Variants in CDKAL1 observed in about 807,000 individuals in gnomAD.
CDKAL1 encodes threonylcarbamoyladenosine tRNA methylthiotransferase.
In CDKAL1, 32 loss-of-function variants were observed where a neutral mutation model predicts 68.2. The observed-to-expected ratio is 0.47, with a 90% CI of 0.35 to 0.63. CDKAL1 has a LOEUF of 0.63. CDKAL1 is among the 30% of genes least tolerant of loss of function. The probability of loss-of-function intolerance (pLI) is 0.00; values close to 1 mark genes in which losing one functional copy is unlikely to be tolerated. For missense variants in CDKAL1, 606 were observed against 696.7 expected, an observed-to-expected ratio of 0.87 and a Z score of 1.47; for synonymous variants, 234 against 244.3, an observed-to-expected ratio of 0.96 and a Z score of 0.39.
intron 7 of CDKAL1, among the ~76,000 whole-genome samples, chr6:20,763,341 A>G (rs943373913): frequency 6.6e-6 from 1 of 152,134 alleles, no homozygotes; most frequent in African/African-American, 2.4e-5. Flanking sequence ...TGGGATGGAA[A>G]CAGCACCCCG....
At chr6:20,672,232 CTTTCTCTT>C (rs1199814854) in intron 5 of CDKAL1, among the ~76,000 whole-genome samples, 1 of 76,514 alleles carries the variant, frequency 1.3e-5, no homozygotes, top group Non-Finnish European at 3.1e-5. Flanking sequence ...TCTTTCTTTT[CTTTCTCTT>C]TCTTTCTTTC....
intron 10 of CDKAL1, among the ~76,000 whole-genome samples, chr6:20,999,482 T>C (rs1000581527): frequency 6.6e-6 from 1 of 151,972 alleles, no homozygotes; most frequent in African/African-American, 2.4e-5. Flanking sequence ...TGTTTTTCAC[T>C]TAAATGTATT....
chr6:20,547,648 T>C (rs1006448512), intron 3 of CDKAL1, among the ~76,000 whole-genome samples: 1 of 152,178 alleles, frequency 6.6e-6, no homozygotes, highest in African/African-American at 2.4e-5. Context: ...ATTCTTGGAA[T>C]TTAAAATTTG....
At chr6:21,104,036 C>A (rs953143593) in intron 12 of CDKAL1, among the ~76,000 whole-genome samples, 1 of 152,074 alleles carries the variant, frequency 6.6e-6, no homozygotes, top group East Asian at 1.9e-4. Context: ...TAATAATGGC[C>A]GTGTTTTAGT....
intron 13 of CDKAL1, among the ~76,000 whole-genome samples, chr6:21,129,977 A>C (rs1003462288): frequency 2.6e-5 from 4 of 152,092 alleles, no homozygotes; most frequent in African/African-American, 9.7e-5. Flanking sequence ...GCTAGTTAAT[A>C]ATAAAATGAA....
At chr6:20,807,892 A>G (rs1776640158) in intron 8 of CDKAL1, among the ~76,000 whole-genome samples, 2 of 152,234 alleles carry the variant, frequency 1.3e-5, no homozygotes, top group Middle Eastern at 3.2e-3. Flanking sequence ...TCTGTACTTC[A>G]AAATCCATTT....
intron 5 of CDKAL1, among the ~76,000 whole-genome samples, chr6:20,654,890 C>T (rs1259647250): frequency 6.6e-6 from 1 of 152,166 alleles, no homozygotes; most frequent in Non-Finnish European, 1.5e-5. Flanking sequence ...TTTGATAGTG[C>T]TAGTACCTTT....
chr6:20,854,607 A>G (rs1759220509), intron 9 of CDKAL1, among the ~76,000 whole-genome samples: 1 of 152,230 alleles, frequency 6.6e-6, no homozygotes, highest in Non-Finnish European at 1.5e-5. Flanking sequence ...CATCGGAAAC[A>G]AGGATGTGAT....
chr6:20,852,438 T>C (rs2150506595), intron 9 of CDKAL1, among the ~76,000 whole-genome samples: 1 of 152,338 alleles, frequency 6.6e-6, no homozygotes, highest in East Asian at 1.9e-4. Context: ...ATTGAAGATA[T>C]ATTTTCTACC....
chr6:20,995,223 A>G (rs1051979084), intron 10 of CDKAL1, among the ~76,000 whole-genome samples: 2 of 152,244 alleles, frequency 1.3e-5, no homozygotes, highest in African/African-American at 4.8e-5. Flanking sequence ...AAAGTTATCC[A>G]TGAGGGTTGA....
At position 21,136,818 on chromosome 6, in the gene CDKAL1, T is replaced by A. The variant is rs989429219; in HGVS notation, c.1299+28355T>A. Among the ~76,000 whole-genome samples the A allele has an allele frequency of 9.8e-5, 15 of 152,318 alleles. 3 individuals carry two copies. The East Asian group carries it at 2.3e-3, about 23-fold the overall frequency. Reference sequence around the variant, plus strand: ...AGAAAACCAAGAATACCCATCCAAATAACTTGTCCAGTGCTTTTTCCTTCA... The same window carrying A: ...AGAAAACCAAGAATACCCATCCAAAAAACTTGTCCAGTGCTTTTTCCTTCA... On this transcript the variant is annotated intron_variant, in intron 13 of 15. Coordinates refer to ENST00000274695, the MANE Select transcript of CDKAL1 (RefSeq NM_017774.3).
chr6:21,135,268 C>T (rs1775534804), intron 13 of CDKAL1, among the ~76,000 whole-genome samples: 1 of 152,084 alleles, frequency 6.6e-6, no homozygotes, highest in Admixed American at 6.5e-5. Flanking sequence ...AGCCTGGTTT[C>T]TTATCTTGAA....
chr6:21,127,706 C>T (rs899545706), intron 13 of CDKAL1, among the ~76,000 whole-genome samples: 4 of 151,998 alleles, frequency 2.6e-5, no homozygotes, highest in Non-Finnish European at 4.4e-5. Context: ...GCCTAGATTG[C>T]GCCACTGTAC....
intron 13 of CDKAL1, among the ~76,000 whole-genome samples, chr6:21,111,534 G>A (rs144713882): frequency 1.4e-4 from 21 of 152,294 alleles, no homozygotes; most frequent in Middle Eastern, 3.4e-3. Context: ...AAGTCACCAG[G>A]TTAAACAAAC....
At chr6:21,164,131 G>T (rs981050134) in intron 13 of CDKAL1, among the ~76,000 whole-genome samples, 3 of 151,752 alleles carry the variant, frequency 2.0e-5, no homozygotes, top group African/African-American at 7.3e-5. Flanking sequence ...GAAGAGATAA[G>T]AAAAACAAAG....
chr6:20,828,808 T>C (rs995145826), intron 8 of CDKAL1, among the ~76,000 whole-genome samples: 2 of 152,138 alleles, frequency 1.3e-5, no homozygotes, highest in African/African-American at 4.8e-5. Flanking sequence ...TCCAGAACTT[T>C]TCCCTCTTCC....
chr6:20,875,305 CAAAAAAAAAAAA>C (rs58717424), intron 9 of CDKAL1, among the ~76,000 whole-genome samples: 3 of 71,214 alleles, frequency 4.2e-5, no homozygotes, highest in South Asian at 5.7e-4. Flanking sequence ...GACTCCGTCT[CAAAAAAAAAAAA>C]AAAAAAAAAA....
chr6:21,089,359 C>A (rs1475507146), intron 12 of CDKAL1, among the ~76,000 whole-genome samples: 1 of 152,074 alleles, frequency 6.6e-6, no homozygotes, highest in Non-Finnish European at 1.5e-5. Context: ...CACCTGTAGT[C>A]CCAGCTACTC....
Position 20,971,903 on chromosome 6 carries a change from C to T in CDKAL1, c.909+16318C>T, listed in dbSNP as rs115173194. ...TTAAACTCATTTTACTTGATGTGAC[C>T]TTGAATTAAAAAAAATAACGTGAAA... On this transcript the variant is annotated intron_variant, in intron 10 of 15. Coordinates refer to ENST00000274695, the MANE Select transcript of CDKAL1 (RefSeq NM_017774.3). Among the ~76,000 whole-genome samples, 918 of 152,120 alleles carry T rather than the reference C, an allele frequency of 6.0e-3. 9 individuals are homozygous for T. The highest frequency in any genetic ancestry group is 0.021 in the African/African-American group (880 of 41,488).
Sources: allele counts gnomAD v4.1 joint callset (sites outside exome capture counted in the v4.1 genomes callset), GRCh38; gene constraint gnomAD v4.1.1; transcripts MANE v1.5; gene names NCBI Gene and HGNC (gene_info 2026-07-23, HGNC 2026-07-21).